The following GLIS1 variants were observed in gnomAD, a reference collection of about 807,000 sequenced individuals.
GLIS1 encodes zinc finger protein GLIS1.
A neutral mutation model predicts 63.8 loss-of-function variants in GLIS1; 24 were observed. The observed-to-expected ratio is 0.38, with a 90% CI of 0.27 to 0.53. GLIS1 has a LOEUF of 0.53. GLIS1 is among the 20% of genes least tolerant of loss of function. GLIS1 has a pLI of 0.85. For synonymous variants in GLIS1, 450 were observed against 482.5 expected, an observed-to-expected ratio of 0.93 and a Z score of 0.88; for missense variants, 1,036 against 1,074.1, an observed-to-expected ratio of 0.96 and a Z score of 0.50.
chr1:53,620,111 TGAG>T (rs1220985219), intron 2 of GLIS1, among the ~76,000 whole-genome samples: 1 of 152,214 alleles, frequency 6.6e-6, no homozygotes, highest in Non-Finnish European at 1.5e-5. Context: ...GCTGGAGAGA[TGAG>T]GACACTGAGT....
Position 53,738,439 on chromosome 1 carries a change from C to T in GLIS1, c.-42-333G>A, listed in dbSNP as rs149092163. On this transcript the variant is annotated intron_variant, in intron 1 of 10. Transcript: ENST00000628545. ...AAACTGAGGCCTGGAGCGGGTAAGG[C>T]GCCTGTTCCGCGTCCCCCAGTGGAA... Among the ~76,000 whole-genome samples, 695 of 152,282 alleles carry T rather than the reference C, an allele frequency of 4.6e-3. 5 individuals carry two copies. Among genetic ancestry groups the T allele is most frequent in the Middle Eastern group, 0.017 (5 of 294 alleles).
chr1:53,727,577 G>C (rs565530229), intron 2 of GLIS1, among the ~76,000 whole-genome samples: 64 of 152,340 alleles, frequency 4.2e-4, no homozygotes, highest in Non-Finnish European at 6.9e-4. Context: ...GACAAAAAGC[G>C]CCAATCCTGG....
At chr1:53,541,455 G>A (rs1025566469) in intron 4 of GLIS1, among the ~76,000 whole-genome samples, 2 of 152,238 alleles carry the variant, frequency 1.3e-5, no homozygotes, top group Admixed American at 6.5e-5. Flanking sequence ...GGCATCTCAC[G>A]GCCATATGTG....
intron 4 of GLIS1, among the ~76,000 whole-genome samples, chr1:53,589,887 C>T (rs1347202248): frequency 6.6e-6 from 1 of 152,236 alleles, no homozygotes; most frequent in Non-Finnish European, 1.5e-5. Flanking sequence ...TGCAAAGAAT[C>T]AGGGATCCCT....
chr1:53,667,350 G>A (rs555780858), intron 2 of GLIS1, among the ~76,000 whole-genome samples: 11 of 152,346 alleles, frequency 7.2e-5, no homozygotes, highest in African/African-American at 2.4e-4. Context: ...GGCACACACT[G>A]GTTTCACAGT....
chr1:53,632,858 C>A (rs1307285875), intron 2 of GLIS1, among the ~76,000 whole-genome samples: 1 of 123,518 alleles, frequency 8.1e-6, no homozygotes, highest in Non-Finnish European at 1.7e-5. Context: ...TGTATGTGAC[C>A]GAGAGGCATG....
chr1:53,738,506 G>A (rs1646935020), intron 1 of GLIS1, among the ~76,000 whole-genome samples: 1 of 152,154 alleles, frequency 6.6e-6, no homozygotes, highest in African/African-American at 2.4e-5. Context: ...GCAGGGCTCG[G>A]GCGAAGCCCC....
chr1:53,639,647 G>A lies in GLIS1; in HGVS notation c.260-39369C>T, dbSNP rs139608563. Reference sequence around the variant, plus strand: ...TGTCTTACCTCGGAGACAGGGTGGGGCTTTTTTTTTCCAGCCCGCTATCCT... The same window carrying A: ...TGTCTTACCTCGGAGACAGGGTGGGACTTTTTTTTTCCAGCCCGCTATCCT... On this transcript the variant is annotated intron_variant, in intron 2 of 10. Coordinates refer to ENST00000628545, the MANE Select transcript of GLIS1 (RefSeq NM_001367484.1). The surrounding 1 kb of genome is among the most constrained non-coding windows in gnomAD (Gnocchi z 4.6). Among the ~76,000 whole-genome samples the A allele has an allele frequency of 2.6e-3, 397 of 152,180 alleles. 2 individuals are homozygous for A. The highest frequency in any genetic ancestry group is 9.1e-3 in the African/African-American group (377 of 41,510).
At chr1:53,551,606 C>T (rs530755462) in intron 4 of GLIS1, among the ~76,000 whole-genome samples, 2 of 152,240 alleles carry the variant, frequency 1.3e-5, no homozygotes, top group Admixed American at 6.5e-5. Context: ...AGAAGCCCCG[C>T]GAAGGGGCTG....
intron 2 of GLIS1, among the ~76,000 whole-genome samples, chr1:53,731,975 G>T (rs1016079291): frequency 6.6e-6 from 1 of 152,162 alleles, no homozygotes; most frequent in African/African-American, 2.4e-5. Context: ...GAAAACCAAG[G>T]CTCAAAGCAC....
intron 2 of GLIS1, among the ~76,000 whole-genome samples, chr1:53,702,572 A>T (rs772795478): frequency 3.9e-5 from 6 of 152,130 alleles, no homozygotes; most frequent in Non-Finnish European, 8.8e-5. Flanking sequence ...TTTCCCTATC[A>T]CTGCTCTGGG....
intron 3 of GLIS1, 104 bp from the exon 4 acceptor site, chr1:53,595,094 C>T: frequency 9.5e-7 from 1 of 1,052,914 alleles, no homozygotes; most frequent in East Asian, 3.0e-5. Context: ...GATGGACAAG[C>T]CCAGGGCAGG....
intron 8 of GLIS1, among the ~76,000 whole-genome samples, chr1:53,512,083 A>G (rs1644303642): frequency 6.6e-6 from 1 of 152,274 alleles, no homozygotes; most frequent in African/African-American, 2.4e-5. Flanking sequence ...TGTTTTCAAA[A>G]GTTTGTTTTT....
At chr1:53,540,327 A>T (rs1332984743) in intron 4 of GLIS1, among the ~76,000 whole-genome samples, 1 of 152,146 alleles carries the variant, frequency 6.6e-6, no homozygotes, top group African/African-American at 2.4e-5. Context: ...TTCAGGAGGA[A>T]GAAGAGGGCC....
chr1:53,720,669 T>C (rs190034936), intron 2 of GLIS1, among the ~76,000 whole-genome samples: 128 of 152,320 alleles, frequency 8.4e-4, no homozygotes, highest in Admixed American at 1.7e-3. Flanking sequence ...GGTGAATGTT[T>C]GGGGTGATAG....
chr1:53,590,504 G>T (rs1249142546), intron 4 of GLIS1, among the ~76,000 whole-genome samples: 1 of 152,160 alleles, frequency 6.6e-6, no homozygotes, highest in Non-Finnish European at 1.5e-5. Context: ...TTGATGTGGA[G>T]AAAAGCAAGC....
In GLIS1 at chr1:53,682,239, A is replaced by G. The variant is rs548018740; in HGVS notation, c.259+55567T>C. Among the ~76,000 whole-genome samples, 88 of 152,294 alleles carry G rather than the reference A, an allele frequency of 5.8e-4. No homozygotes were observed. The South Asian group carries it at 0.018, about 30-fold the overall frequency. ...ACTCCAGACCCGCTTGCAGCCATGC[A>G]TTCTTCACTCCTTCAGCCATCCAGC... On this transcript the variant is annotated intron_variant, in intron 2 of 10. Coordinates refer to ENST00000628545, the MANE Select transcript of GLIS1 (RefSeq NM_001367484.1).
intron 4 of GLIS1, among the ~76,000 whole-genome samples, chr1:53,573,807 G>T (rs1569851168): frequency 6.6e-6 from 1 of 152,196 alleles, no homozygotes; most frequent in African/African-American, 2.4e-5. Flanking sequence ...CCTAGAAATG[G>T]ACTTGGTATA....
chr1:53,565,105 C>T (rs58288830), intron 4 of GLIS1, among the ~76,000 whole-genome samples: 7 of 151,838 alleles, frequency 4.6e-5, no homozygotes, highest in South Asian at 2.1e-4. Context: ...AAAAAATGTT[C>T]CTATGTTTGG....
Sources: allele counts gnomAD v4.1 joint callset (sites outside exome capture counted in the v4.1 genomes callset), GRCh38; gene constraint gnomAD v4.1.1; non-coding constraint Gnocchi (gnomAD v3.1); transcripts MANE v1.5; gene names NCBI Gene and HGNC (gene_info 2026-07-23, HGNC 2026-07-21).